The following ADORA1 variants were observed in gnomAD, a reference collection of about 807,000 sequenced individuals.
The protein encoded by ADORA1 is adenosine receptor A1.
ADORA1 carries 6 observed loss-of-function variants against 19.9 expected under a neutral mutation model. The observed-to-expected ratio is 0.30, with a 90% CI of 0.17 to 0.59. The LOEUF is 0.59. ADORA1 is among the 20% of genes least tolerant of loss of function. ADORA1 has a pLI of 0.87. For missense variants in ADORA1, 302 were observed against 439.2 expected, an observed-to-expected ratio of 0.69 and a Z score of 2.79; for synonymous variants, 194 against 188.4, an observed-to-expected ratio of 1.03 and a Z score of -0.24.
chr1:203,157,100 C>T lies in ADORA1; in HGVS notation c.342-8161C>T, dbSNP rs1360097618. Among the ~76,000 whole-genome samples, 5 of 152,200 alleles carry T rather than the reference C, an allele frequency of 3.3e-5. No individual in the cohort carries two copies. In the East Asian group the frequency reaches 7.7e-4, roughly 23 times the overall value. On this transcript the variant is annotated intron_variant, in intron 3 of 3. Transcript: ENST00000337894. ...AATACATTTATTCCATCCCAGTAGG[C>T]CCCAAAGTCTTAACTAGTTCCAGCA...
At chr1:203,138,971 A>G (rs1654595806) in intron 3 of ADORA1, among the ~76,000 whole-genome samples, 1 of 152,122 alleles carries the variant, frequency 6.6e-6, no homozygotes, top group South Asian at 2.1e-4. Context: ...GGTGCATGCC[A>G]CCATGCCCGG....
chr1:203,161,854 C>T (rs774005138), intron 3 of ADORA1, among the ~76,000 whole-genome samples: 18 of 151,984 alleles, frequency 1.2e-4, no homozygotes, highest in Non-Finnish European at 2.4e-4. Flanking sequence ...GGATTACAGG[C>T]GTAAGCCACC....
At chr1:203,139,861 G>A (rs934101831) in intron 3 of ADORA1, among the ~76,000 whole-genome samples, 6 of 152,172 alleles carry the variant, frequency 3.9e-5, no homozygotes, top group Admixed American at 2.6e-4. Flanking sequence ...AAAACCCCAC[G>A]TCGATGTCCA....
chr1:203,136,233 A>G (rs1448201903), intron 3 of ADORA1, among the ~76,000 whole-genome samples: 1 of 152,146 alleles, frequency 6.6e-6, no homozygotes, highest in African/African-American at 2.4e-5. Context: ...GGTCGTGGGG[A>G]TAAGGAGAAG....
chr1:203,154,269 C>T (rs1463526868), intron 3 of ADORA1, among the ~76,000 whole-genome samples: 2 of 152,164 alleles, frequency 1.3e-5, no homozygotes, highest in African/African-American at 2.4e-5. Context: ...TTGGGTGGCT[C>T]ACTCGTACCT....
At chr1:203,162,802 T>C (rs1655411699) in intron 3 of ADORA1, among the ~76,000 whole-genome samples, 1 of 152,198 alleles carries the variant, frequency 6.6e-6, no homozygotes, top group South Asian at 2.1e-4. Context: ...GAGGATTACC[T>C]GAGACAGGAC....
intron 3 of ADORA1, among the ~76,000 whole-genome samples, chr1:203,132,362 CTG>C (rs1654370554): frequency 6.6e-6 from 1 of 152,166 alleles, no homozygotes; most frequent in Admixed American, 6.5e-5. Context: ...CCAAACCTCT[CTG>C]TGGGAAGGAG....
intron 3 of ADORA1, among the ~76,000 whole-genome samples, chr1:203,163,127 T>A (rs961173422): frequency 6.6e-6 from 1 of 152,226 alleles, no homozygotes; most frequent in Non-Finnish European, 1.5e-5. Context: ...AGCAAGATGT[T>A]TAAATAGCCC....
chr1:203,155,678 T>C (rs1256843188), intron 3 of ADORA1, among the ~76,000 whole-genome samples: 1 of 152,222 alleles, frequency 6.6e-6, no homozygotes, highest in Non-Finnish European at 1.5e-5. Context: ...TGCAGGGCAA[T>C]GCTGGGACTC....
intron 3 of ADORA1, among the ~76,000 whole-genome samples, chr1:203,152,042 T>C (rs1161108076): frequency 6.6e-6 from 1 of 152,112 alleles, no homozygotes; most frequent in African/African-American, 2.4e-5. Flanking sequence ...CAGCTCTCTA[T>C]AGAAGATGAT....
chr1:203,146,789 C>T (rs1654872241), intron 3 of ADORA1, among the ~76,000 whole-genome samples: 1 of 152,218 alleles, frequency 6.6e-6, no homozygotes, highest in Non-Finnish European at 1.5e-5. Context: ...GTCGGTCCTG[C>T]CGGCTTTCTC....
chr1:203,146,626 C>CA (rs543486969), intron 3 of ADORA1, among the ~76,000 whole-genome samples: 30,448 of 95,048 alleles, frequency 0.32, 3,845 homozygotes, highest in Non-Finnish European at 0.38. Context: ...AAGCCTGTCT[C>CA]AAAAAAAAAA....
At chr1:203,164,404 G>T (rs945763627) in intron 3 of ADORA1, among the ~76,000 whole-genome samples, 3 of 152,232 alleles carry the variant, frequency 2.0e-5, no homozygotes, top group Non-Finnish European at 2.9e-5. Flanking sequence ...ACAAATGCTT[G>T]CTGAATGAAT....
intron 3 of ADORA1, among the ~76,000 whole-genome samples, chr1:203,156,684 C>T (rs1481030454): frequency 6.6e-6 from 1 of 152,192 alleles, no homozygotes; most frequent in Admixed American, 6.5e-5. Context: ...TCATTTTCTG[C>T]TGCTATAATA....
intron 1 of ADORA1, 69 bp downstream of exon 1, chr1:203,127,997 A>C (rs1333774311): frequency 1.0e-5 from 2 of 199,908 alleles, no homozygotes; most frequent in Admixed American, 5.6e-5. Flanking sequence ...GAAAGAAGAG[A>C]CCGGAATGCC....
intron 3 of ADORA1, among the ~76,000 whole-genome samples, chr1:203,153,534 G>A (rs1346396919): frequency 6.6e-6 from 1 of 152,190 alleles, no homozygotes; most frequent in Non-Finnish European, 1.5e-5. Flanking sequence ...AAGACACAGA[G>A]TGTCTGCCCT....
At chr1:203,139,996 G>T (rs1282511360) in intron 3 of ADORA1, among the ~76,000 whole-genome samples, 1 of 152,200 alleles carries the variant, frequency 6.6e-6, no homozygotes, top group South Asian at 2.1e-4. Context: ...ACATAATTCA[G>T]ATTACATTTT....
At chr1:203,141,147 C>T (rs1654671769) in intron 3 of ADORA1, among the ~76,000 whole-genome samples, 1 of 77,964 alleles carries the variant, frequency 1.3e-5, no homozygotes, top group Admixed American at 1.2e-4. Context: ...GATGGCAGAG[C>T]AGGTGGGATG....
chr1:203,159,546 C>T (rs977658133), intron 3 of ADORA1, among the ~76,000 whole-genome samples: 5 of 152,194 alleles, frequency 3.3e-5, no homozygotes, highest in African/African-American at 9.7e-5. Flanking sequence ...CTTTGGCTCT[C>T]GGCTCATTTT....
Sources: allele counts gnomAD v4.1 joint callset (sites outside exome capture counted in the v4.1 genomes callset), GRCh38; gene constraint gnomAD v4.1.1; transcripts MANE v1.5; gene names NCBI Gene and HGNC (gene_info 2026-07-23, HGNC 2026-07-21).